Variants in KNOP1 observed in about 807,000 individuals in gnomAD.
KNOP1 encodes lysine rich nucleolar protein 1.
A neutral mutation model predicts 30.6 loss-of-function variants in KNOP1; 20 were observed. The ratio of observed to expected loss-of-function variants is 0.65; its 90% CI spans 0.46 to 0.95. The LOEUF (loss-of-function observed/expected upper bound fraction) is 0.95, where lower values mean the gene tolerates loss of function less well. Ranked by LOEUF, KNOP1 falls within the 40% of genes least tolerant of loss-of-function variation. The pLI is 0.00. For missense variants in KNOP1, 540 were observed against 562.0 expected (o/e 0.96, Z 0.40); for synonymous variants, 204 against 210.0 (o/e 0.97, Z 0.25).
In KNOP1 at chr16:19,711,488, G is replaced by C. The variant is rs115099119; in HGVS notation, c.919-48C>G. ...CTAAGGTTCAAGTTTACAATGAATG[G>C]CCTCTGCCTCTGCACCCAGCCAGGG... On this transcript the variant is annotated intron_variant, in intron 2 of 4. Transcript: ENST00000219837. The C allele has an allele frequency of 2.7e-3, 4,234 of 1,559,018 alleles. 97 individuals carry two copies. In the African/African-American group the frequency reaches 0.049, roughly 18 times the overall value.
chr16:19,714,005 C>T (rs1447665334), intron 2 of KNOP1, 113 bp downstream of exon 2: 2 of 930,880 alleles, frequency 2.1e-6, no homozygotes, highest in African/African-American at 3.3e-5. Flanking sequence ...AGGGTTTTAG[C>T]TAAAAGCATG....
In KNOP1 at chr16:19,705,270, A is replaced by G; in HGVS notation, c.*1640T>C. 2.2e-6 allele frequency: 1 copy of G among 456,026 alleles called. No homozygotes were observed. Among genetic ancestry groups the G allele is most frequent in the Non-Finnish European group, 4.4e-6 (1 of 226,792 alleles). 28.2% of individuals were successfully genotyped at this position (456,026 alleles called of 1,614,324 possible). On this transcript the variant is annotated 3_prime_UTR_variant, in exon 5 of 5. Transcript: ENST00000219837. ...CCACGTGAGACTGAACTTTCTGGCCATCGAGGCCTGCCTGGGCTGGGATGT... is the reference window on the plus strand; with the variant it reads ...CCACGTGAGACTGAACTTTCTGGCCGTCGAGGCCTGCCTGGGCTGGGATGT...
At chr16:19,707,460 A>G (rs1188296709) in intron 4 of KNOP1, among the ~76,000 whole-genome samples, 1 of 151,998 alleles carries the variant, frequency 6.6e-6, no homozygotes, top group East Asian at 1.9e-4. Context: ...AGCTGGAGAC[A>G]GAAACCTAAC....
At chr16:19,717,429 T>C (rs1977211786) in intron 1 of KNOP1, 2 of 985,306 alleles carry the variant, frequency 2.0e-6, no homozygotes, top group African/African-American at 1.7e-5. Context: ...GACTTCAGAA[T>C]AGGGGAGCAG....
chr16:19,714,360 G>C lies in KNOP1; in HGVS notation c.676C>G (p.Pro226Ala), dbSNP rs1253113646. 1.9e-6 allele frequency: 3 copies of C among 1,613,984 alleles called. No individual in the cohort carries two copies. The highest frequency in any genetic ancestry group is 2.5e-6 in the Non-Finnish European group (3 of 1,179,964). Reference sequence around the variant, plus strand: ...GACCTGGAGGGCTTGGAGTGGCCTGGGAGGGCATCTCCCTCCTGGTGGATT... The same window carrying C: ...GACCTGGAGGGCTTGGAGTGGCCTGCGAGGGCATCTCCCTCCTGGTGGATT... ...KKIHQEGDALPGHSKPSRSME... is the reference protein window; with the variant it reads ...KKIHQEGDALAGHSKPSRSME... Residue 226 changes from proline (P) to alanine (A), a missense_variant, in exon 2 of 5, where the codon CCA (proline) becomes GCA (alanine). Physicochemically the swap from Pro to Ala is conservative, Grantham distance 27. Transcript: ENST00000219837.
At position 19,706,665 on chromosome 16, in the gene KNOP1, T is replaced by A; in HGVS notation, c.*245A>T. 2.0e-6 allele frequency: 1 copy of A among 491,850 alleles called. No homozygotes were observed. The highest frequency in any genetic ancestry group is 3.6e-6 in the Non-Finnish European group (1 of 277,652). 30.5% of individuals were successfully genotyped at this position (491,850 alleles called of 1,614,324 possible). On this transcript the variant is annotated 3_prime_UTR_variant, in exon 5 of 5. Transcript: ENST00000219837. ...AAGCCCATCAATATAGTTGTCCTCGTCCTTAATCTCCACAGGTGTTCAATG... is the reference window on the plus strand; with the variant it reads ...AAGCCCATCAATATAGTTGTCCTCGACCTTAATCTCCACAGGTGTTCAATG...
intron 4 of KNOP1, among the ~76,000 whole-genome samples, chr16:19,709,707 C>T (rs902874639): frequency 8.5e-5 from 13 of 152,228 alleles, no homozygotes; most frequent in African/African-American, 3.1e-4. Flanking sequence ...TTCCCCCTGT[C>T]TCCTGAGGGC....
At chr16:19,716,465 T>C (rs1454745552) in intron 1 of KNOP1, 1 of 152,264 alleles carries the variant, frequency 6.6e-6, no homozygotes, top group Non-Finnish European at 1.5e-5. Context: ...TATTAATCCC[T>C]GAGACAAAGG....
intron 1 of KNOP1, among the ~76,000 whole-genome samples, chr16:19,716,908 T>C (rs902654994): frequency 2.6e-5 from 4 of 152,252 alleles, no homozygotes; most frequent in East Asian, 1.9e-4. Context: ...AGTGGCATCA[T>C]CTCGGCTCAC....
intron 3 of KNOP1, 108 bp from the exon 4 acceptor site, chr16:19,710,694 C>T: frequency 1.2e-6 from 1 of 812,030 alleles, no homozygotes; most frequent in Non-Finnish European, 2.1e-6. Context: ...GAGGAACTAA[C>T]ACAGCTTGAC....
At chr16:19,711,034 T>C (rs200128833) in intron 3 of KNOP1, among the ~76,000 whole-genome samples, 1 of 152,006 alleles carries the variant, frequency 6.6e-6, no homozygotes, top group East Asian at 1.9e-4. Flanking sequence ...ACTTCTCCTC[T>C]AAATGCTCCT....
intron 3 of KNOP1, 99 bp from the exon 4 acceptor site, chr16:19,710,685 AG>A (rs1265653270): frequency 1.9e-5 from 17 of 892,610 alleles, no homozygotes; most frequent in African/African-American, 3.3e-5. Flanking sequence ...GGAACGTGGG[AG>A]GAACTAACAC....
At position 19,704,083 on chromosome 16, in the gene KNOP1, T is replaced by G. The variant is rs1644257727; in HGVS notation, c.*2827A>C. 6.6e-6 allele frequency: 1 copy of G among 152,258 alleles called. No individual in the cohort carries two copies. The highest frequency in any genetic ancestry group is 1.5e-5 in the Non-Finnish European group (1 of 68,136). 9.4% of individuals were successfully genotyped at this position (152,258 alleles called of 1,614,324 possible). ...TCTCCACAATCACCCAAAGACAGTT[T>G]TTTTTTGTTTGTTTTTGAGACAGAG... On this transcript the variant is annotated 3_prime_UTR_variant, in exon 5 of 5. Coordinates refer to ENST00000219837, the MANE Select transcript of KNOP1 (RefSeq NM_001012991.3).
At chr16:19,709,811 T>C (rs1208182628) in intron 4 of KNOP1, among the ~76,000 whole-genome samples, 1 of 152,188 alleles carries the variant, frequency 6.6e-6, no homozygotes, top group African/African-American at 2.4e-5. Flanking sequence ...CACTGTTCTG[T>C]TTCTTTCTCC....
Position 19,706,626 on chromosome 16 carries a change from G to GC in KNOP1, c.*283dup, listed in dbSNP as rs1406641706. On this transcript the variant is annotated 3_prime_UTR_variant, in exon 5 of 5. Coordinates refer to ENST00000219837, the MANE Select transcript of KNOP1 (RefSeq NM_001012991.3). ...TGGCTCCCGAAATATGAGCTGCCCT[G>GC]CCCCAGTTCATCCAAGCCCATCAAT... 5.1e-6 allele frequency: 2 copies of GC among 388,650 alleles called. No individual in the cohort carries two copies. The highest frequency in any genetic ancestry group is 9.3e-6 in the Non-Finnish European group (2 of 214,954). The allele number at this position is 388,650 out of a possible 1,614,324, so 24.1% of individuals were successfully genotyped here. A position where few individuals can be genotyped will look rare whatever the true frequency, so the allele number is the denominator to read the frequency against.
In KNOP1 at chr16:19,703,649, G is replaced by A. The variant is rs1437001484; in HGVS notation, c.*3261C>T. The A allele has an allele frequency of 2.0e-5, 3 of 151,640 alleles. No individual in the cohort carries two copies. Among genetic ancestry groups the A allele is most frequent in the Non-Finnish European group, 2.9e-5 (2 of 67,964 alleles). 9.4% of individuals were successfully genotyped at this position (151,640 alleles called of 1,614,324 possible). A position where few individuals can be genotyped will look rare whatever the true frequency, so the allele number is the denominator to read the frequency against. On this transcript the variant is annotated 3_prime_UTR_variant, in exon 5 of 5. Coordinates refer to ENST00000219837, the MANE Select transcript of KNOP1 (RefSeq NM_001012991.3). The stretch of plus-strand genomic sequence containing the variant: ...AATCATGGCTCACTGCAGCCGTGAT[G>A]GAGGGTGGTGCTCAAACCAATGTTA...
chr16:19,712,531 C>T (rs1218739859), intron 2 of KNOP1, among the ~76,000 whole-genome samples: 2 of 152,178 alleles, frequency 1.3e-5, no homozygotes, highest in Non-Finnish European at 2.9e-5. Flanking sequence ...GCCAGACTAG[C>T]TGAGTTTGAA....
rs777595820 is a variant in KNOP1, at chr16:19,711,396, G to C, written c.963C>G (p.Asn321Lys). 1 of 1,614,188 alleles carries C rather than the reference G, an allele frequency of 6.2e-7. No individual in the cohort carries two copies. Among genetic ancestry groups the C allele is most frequent in the South Asian group, 1.1e-5 (1 of 91,084 alleles). ...DLEVVLEKKG[N>K]MDEAHIDQVR... ...CCTGGTCTATGTGCGCCTCATCCAT[G>C]TTGCCTTTTTTTTCCAACACCACCT... The change falls in exon 3 of 5, where the codon AAC becomes AAG. Residue 321 changes from asparagine (N) to lysine (K), a missense_variant. Asn to Lys is a moderately conservative substitution (Grantham distance 94). Transcript: ENST00000219837.
chr16:19,707,895 T>C (rs1031265790), intron 4 of KNOP1, among the ~76,000 whole-genome samples: 1 of 5,302 alleles, frequency 1.9e-4, no homozygotes, highest in Non-Finnish European at 3.5e-4. Context: ...TCCCCCCACC[T>C]CCCTACACAG....
Sources: allele counts gnomAD v4.1 joint callset (sites outside exome capture counted in the v4.1 genomes callset), GRCh38; gene constraint gnomAD v4.1.1; transcripts MANE v1.5; gene names NCBI Gene and HGNC (gene_info 2026-07-23, HGNC 2026-07-21).